Variants in MACROD2 observed in about 807,000 individuals in gnomAD.
The protein encoded by MACROD2 is mono-ADP ribosylhydrolase 2.
A neutral mutation model predicts 70.4 loss-of-function variants in MACROD2; 36 were observed. The observed-to-expected ratio is 0.51, with a 90% confidence interval of 0.39 to 0.68. MACROD2 has a LOEUF of 0.68. MACROD2 is among the 30% of genes least tolerant of loss of function. The probability of loss-of-function intolerance (pLI) is 0.00; values close to 1 mark genes in which losing one functional copy is unlikely to be tolerated. For synonymous variants in MACROD2, 172 were observed against 178.8 expected (o/e 0.96, Z 0.30); for missense variants, 496 against 538.4 (o/e 0.92, Z 0.78).
At chr20:14,266,853 A>G (rs2082148712) in intron 3 of MACROD2, among the ~76,000 whole-genome samples, 2 of 152,152 alleles carry the variant, frequency 1.3e-5, no homozygotes, top group African/African-American at 4.8e-5. Flanking sequence ...GGTCACCCAG[A>G]AAGTGGGGAT....
intron 8 of MACROD2, among the ~76,000 whole-genome samples, chr20:15,602,017 GACTC>G (rs1430693550): frequency 7.4e-6 from 1 of 135,426 alleles, no homozygotes; most frequent in Non-Finnish European, 1.6e-5. Flanking sequence ...AACAGAGCGA[GACTC>G]AGTCTCAAAA....
intron 7 of MACROD2, 111 bp from the exon 8 acceptor site, chr20:15,499,663 G>T (rs2145014): frequency 0.61 from 548,689 of 894,534 alleles, 170,034 homozygotes; most frequent in East Asian, 0.75. Flanking sequence ...TGTACTTATT[G>T]GTTGAACTGA....
intron 3 of MACROD2, chr20:14,337,366 C>G: frequency 7.1e-6 from 2 of 281,772 alleles, no homozygotes; most frequent in Non-Finnish European, 6.5e-6. Flanking sequence ...AGCAAACTTT[C>G]TGGGACAATC....
At chr20:15,407,634 G>A (rs1207377339) in intron 6 of MACROD2, among the ~76,000 whole-genome samples, 1 of 152,092 alleles carries the variant, frequency 6.6e-6, no homozygotes, top group Non-Finnish European at 1.5e-5. Context: ...CATCCTGACT[G>A]CCACTCACTA....
intron 5 of MACROD2, among the ~76,000 whole-genome samples, chr20:14,903,650 A>T (rs1214372717): frequency 6.6e-6 from 1 of 152,124 alleles, no homozygotes; most frequent in African/African-American, 2.4e-5. Flanking sequence ...TGCAGTATTC[A>T]TTAGGATACT....
At chr20:15,704,333 T>G (rs1180679819) in intron 8 of MACROD2, among the ~76,000 whole-genome samples, 2 of 152,156 alleles carry the variant, frequency 1.3e-5, no homozygotes, top group Non-Finnish European at 2.9e-5. Context: ...AGGAAATAAT[T>G]CCTGTTCACA....
Position 15,400,138 on chromosome 20 carries a change from G to A in MACROD2, c.541-31267G>A, listed in dbSNP as rs114421326. Among the ~76,000 whole-genome samples, 722 of 152,314 alleles carry A rather than the reference G, an allele frequency of 4.7e-3. 5 individuals are homozygous for A. Among genetic ancestry groups the A allele is most frequent in the African/African-American group, 0.017 (692 of 41,570 alleles). On this transcript the variant is annotated intron_variant, in intron 6 of 17. Transcript: ENST00000684519. ...TCTGCTTAAGGCTTAGAATCATCCTGTATTTGTCTCCTACATTGAAACAAC... is the reference window on the plus strand; with the variant it reads ...TCTGCTTAAGGCTTAGAATCATCCTATATTTGTCTCCTACATTGAAACAAC...
In MACROD2 at chr20:14,685,121, T is replaced by C. The variant is rs1158598670; in HGVS notation, c.418+162T>C. The C allele has an allele frequency of 5.0e-5, 24 of 482,054 alleles. 1 individual carries two copies. In the South Asian group the frequency reaches 6.1e-4, roughly 12 times the overall value. The allele number at this position is 482,054 out of a possible 1,614,324, so 29.9% of individuals were successfully genotyped here. On this transcript the variant is annotated intron_variant, in intron 5 of 17. Transcript: ENST00000684519. ...TAAAAACGTGCTTTCCAAGTATGTC[T>C]CCAAATATATACATATATATAAAAT... is the stretch of plus-strand genomic sequence containing the variant.
chr20:14,098,541 A>G (rs1687967792), intron 3 of MACROD2, among the ~76,000 whole-genome samples: 1 of 152,240 alleles, frequency 6.6e-6, no homozygotes, highest in African/African-American at 2.4e-5. Context: ...GATGTAGAAT[A>G]TATGAATTTT....
At chr20:15,210,552 G>GTTTTTTTTTTTTTTTTTTTTGTTCTTTT (rs11333280) in intron 5 of MACROD2, among the ~76,000 whole-genome samples, 1 of 121,652 alleles carries the variant, frequency 8.2e-6, no homozygotes, top group Non-Finnish European at 1.7e-5. Context: ...CTTTTCTTCT[G>GTTTTTTTTTTTTTTTTTTTTGTTCTTTT]TTTTTTTTTT....
intron 8 of MACROD2, among the ~76,000 whole-genome samples, chr20:15,540,675 A>T (rs962148381): frequency 6.6e-6 from 1 of 152,218 alleles, no homozygotes; most frequent in African/African-American, 2.4e-5. Flanking sequence ...ATAGAAATGT[A>T]CTGCCTCACA....
At chr20:15,201,730 T>TC (rs1392708517) in intron 5 of MACROD2, among the ~76,000 whole-genome samples, 4 of 152,206 alleles carry the variant, frequency 2.6e-5, no homozygotes, top group African/African-American at 9.7e-5. Context: ...AAGTCCTCCC[T>TC]CCACTCTGAA....
At chr20:15,984,601 A>G (rs1423710714) in intron 13 of MACROD2, among the ~76,000 whole-genome samples, 4 of 151,726 alleles carry the variant, frequency 2.6e-5, no homozygotes, top group African/African-American at 7.3e-5. Context: ...AGAATTTACT[A>G]TATAACACTC....
chr20:15,516,356 T>G (rs2047567761), intron 8 of MACROD2, among the ~76,000 whole-genome samples: 1 of 152,150 alleles, frequency 6.6e-6, no homozygotes, highest in Non-Finnish European at 1.5e-5. Context: ...CTCTCAGTCT[T>G]TATTTATTTA....
At chr20:15,442,614 A>T (rs959610087) in intron 7 of MACROD2, among the ~76,000 whole-genome samples, 1 of 152,142 alleles carries the variant, frequency 6.6e-6, no homozygotes, top group African/African-American at 2.4e-5. Flanking sequence ...TGGTCTTGTG[A>T]CCAATGTCTG....
chr20:15,832,706 G>A lies in MACROD2; in HGVS notation c.646-30039G>A, dbSNP rs75713668. ...TCCCTGGCACACAAAGCCGAACAGG[G>A]CATGGAGCCGAGGGTGAAGAGACAA... is the stretch of plus-strand genomic sequence containing the variant. On this transcript the variant is annotated intron_variant, in intron 8 of 17. Transcript: ENST00000684519. 4.4e-3 allele frequency among the ~76,000 whole-genome samples: 668 copies of A among 152,350 alleles called. 2 individuals are homozygous for A. The highest frequency in any genetic ancestry group is 7.1e-3 in the Non-Finnish European group (480 of 68,034).
chr20:14,154,493 C>T (rs1477761392), intron 3 of MACROD2, among the ~76,000 whole-genome samples: 2 of 149,872 alleles, frequency 1.3e-5, no homozygotes, highest in Admixed American at 1.3e-4. Flanking sequence ...TCATGCCATT[C>T]TCCTGCCTCA....
intron 4 of MACROD2, among the ~76,000 whole-genome samples, chr20:14,579,964 A>G (rs1035076187): frequency 6.6e-6 from 1 of 152,216 alleles, no homozygotes; most frequent in African/African-American, 2.4e-5. Context: ...GTGGAATCTA[A>G]TCAGTAAGAA....
At chr20:14,789,115 T>G (rs2072415059) in intron 5 of MACROD2, among the ~76,000 whole-genome samples, 1 of 152,012 alleles carries the variant, frequency 6.6e-6, no homozygotes, top group Admixed American at 6.6e-5. Context: ...TTTCTTTATA[T>G]TAAGGATTCT....
Sources: allele counts gnomAD v4.1 joint callset (sites outside exome capture counted in the v4.1 genomes callset), GRCh38; gene constraint gnomAD v4.1.1; transcripts MANE v1.5; gene names NCBI Gene and HGNC (gene_info 2026-07-23, HGNC 2026-07-21).